FAM107A: variants seen among roughly 807,000 people sequenced by gnomAD.
The protein encoded by FAM107A is family with sequence similarity 107 member A.
In FAM107A, 19 loss-of-function variants were observed where a neutral mutation model predicts 13.7. That is an observed-to-expected ratio of 1.38 (90% CI 0.97 to 2.03). The LOEUF is 2.03. Among genes scored for constraint, FAM107A ranks in the 30% most tolerant of loss-of-function variants. The pLI is 0.00. For synonymous variants in FAM107A, 82 were observed against 74.5 expected (o/e 1.10, Z -0.52); for missense variants, 203 against 184.4 (o/e 1.10, Z -0.58).
chr3:58,625,532 A>G (rs112359913), intron 1 of FAM107A, among the ~76,000 whole-genome samples: 21 of 152,232 alleles, frequency 1.4e-4, no homozygotes, highest in African/African-American at 5.1e-4. Flanking sequence ...TAAGGCCAAC[A>G]TTTTTTTGTA....
At chr3:58,587,627 G>C (rs376310094), upstream of FAM107A, among the ~76,000 whole-genome samples, 8 of 152,088 alleles carry the variant, frequency 5.3e-5, 1 homozygote, top group South Asian at 1.7e-3. Flanking sequence ...CAGGGTCTTT[G>C]CTGGGTGTGA....
At chr3:58,581,323 A>G (rs555324646), upstream of FAM107A, among the ~76,000 whole-genome samples, 248 of 152,340 alleles carry the variant, frequency 1.6e-3, 3 homozygotes, top group African/African-American at 5.5e-3. Context: ...CCTGACAGGG[A>G]GGTGGAGAAT....
chr3:58,581,467 A>G (rs1371366451), upstream of FAM107A, among the ~76,000 whole-genome samples: 1 of 152,154 alleles, frequency 6.6e-6, no homozygotes, highest in African/African-American at 2.4e-5. Flanking sequence ...ACGAACATCA[A>G]ACAAGAAGTT....
At chr3:58,567,495 G>T in intron 2 of FAM107A, 131 bp from the exon 3 acceptor site, 1 of 1,009,880 alleles carries the variant, frequency 9.9e-7, no homozygotes, top group Non-Finnish European at 1.4e-6. Context: ...CTTGGAGGTG[G>T]ACCCATTACT....
At chr3:58,587,512 TGTGTGTGG>T (rs1376408432), upstream of FAM107A, among the ~76,000 whole-genome samples, 1 of 135,390 alleles carries the variant, frequency 7.4e-6, no homozygotes, top group African/African-American at 2.9e-5. Flanking sequence ...TGTGTGTGTG[TGTGTGTGG>T]CCCAGAACAG....
chr3:58,603,344 A>G (rs959619750), intron 1 of FAM107A, among the ~76,000 whole-genome samples: 4 of 152,194 alleles, frequency 2.6e-5, no homozygotes, highest in Non-Finnish European at 4.4e-5. Context: ...TGAGTCCTTC[A>G]TGTGCATTCT....
At chr3:58,568,200 C>T (rs902284157) in intron 2 of FAM107A, among the ~76,000 whole-genome samples, 4 of 151,922 alleles carry the variant, frequency 2.6e-5, no homozygotes, top group South Asian at 2.1e-4. Context: ...TTTGGGAGGC[C>T]GAGGAGGGCG....
At chr3:58,585,575 GT>G (rs67828246) in intron 1 of FAM107A, among the ~76,000 whole-genome samples, 3,366 of 152,344 alleles carry the variant, frequency 0.022, 138 homozygotes, top group African/African-American at 0.077. Flanking sequence ...GCGGCAGCTG[GT>G]TTGCCTCGCG....
At chr3:58,571,067 A>T (rs1253930524) in intron 1 of FAM107A, among the ~76,000 whole-genome samples, 2 of 152,212 alleles carry the variant, frequency 1.3e-5, no homozygotes, top group African/African-American at 2.4e-5. Context: ...ATGCAGTTTC[A>T]TGGATGAACA....
intron 1 of FAM107A, among the ~76,000 whole-genome samples, chr3:58,597,389 G>T (rs1222358806): frequency 6.6e-6 from 1 of 152,210 alleles, no homozygotes; most frequent in Non-Finnish European, 1.5e-5. Context: ...GGAGGGAGGT[G>T]TTAGCAAAAT....
chr3:58,589,024 T>C (rs1398848496), upstream of FAM107A, among the ~76,000 whole-genome samples: 1 of 151,824 alleles, frequency 6.6e-6, no homozygotes, highest in Non-Finnish European at 1.5e-5. Context: ...ACATAATGAG[T>C]TGGTAGTGGA....
intron 1 of FAM107A, among the ~76,000 whole-genome samples, chr3:58,625,517 C>T (rs56223685): frequency 1.3e-5 from 2 of 152,212 alleles, no homozygotes; most frequent in African/African-American, 4.8e-5. Flanking sequence ...ACCCTCAGAT[C>T]ACACTAAGGC....
chr3:58,621,022 C>G (rs2065949802), intron 1 of FAM107A, among the ~76,000 whole-genome samples: 1 of 152,132 alleles, frequency 6.6e-6, no homozygotes, highest in African/African-American at 2.4e-5. Context: ...TCAGGAGTTT[C>G]AGCCCAGGCC....
intron 1 of FAM107A, among the ~76,000 whole-genome samples, chr3:58,599,650 C>T (rs1251052051): frequency 1.5e-5 from 2 of 130,468 alleles, no homozygotes; most frequent in Non-Finnish European, 3.2e-5. Context: ...CAGGTATTTT[C>T]AGTTTCTAAA....
upstream of FAM107A, among the ~76,000 whole-genome samples, chr3:58,590,570 C>A (rs987484971): frequency 6.6e-6 from 1 of 152,266 alleles, no homozygotes; most frequent in East Asian, 1.9e-4. Context: ...GTTGGAGAGG[C>A]TCCAGGAACT....
upstream of FAM107A, among the ~76,000 whole-genome samples, chr3:58,580,177 A>G (rs148784987): frequency 6.6e-6 from 1 of 152,098 alleles, no homozygotes. Context: ...CCTGAAAAAG[A>G]TGTCTTCTAC....
At chr3:58,614,245 GT>G (rs1272042009) in intron 1 of FAM107A, among the ~76,000 whole-genome samples, 1 of 152,126 alleles carries the variant, frequency 6.6e-6, no homozygotes, top group Non-Finnish European at 1.5e-5. Flanking sequence ...CCTGCTTAGG[GT>G]TTTTTTGTTT....
upstream of FAM107A, among the ~76,000 whole-genome samples, chr3:58,592,040 G>T (rs1253113908): frequency 6.6e-6 from 1 of 152,202 alleles, no homozygotes; most frequent in East Asian, 1.9e-4. Flanking sequence ...AATTGCCTGG[G>T]GTCCTGGTGT....
At chr3:58,608,823 G>A (rs558304602) in intron 1 of FAM107A, 1 of 152,384 alleles carries the variant, frequency 6.6e-6, no homozygotes, top group Non-Finnish European at 1.5e-5. Flanking sequence ...GCCATAAGCA[G>A]GGCAGAGGAG....
Sources: allele counts gnomAD v4.1 joint callset (sites outside exome capture counted in the v4.1 genomes callset), GRCh38; gene constraint gnomAD v4.1.1; transcripts MANE v1.5; gene names NCBI Gene and HGNC (gene_info 2026-07-23, HGNC 2026-07-21).